CD226: variants seen among roughly 807,000 people sequenced by gnomAD.
CD226 encodes the protein CD226 molecule.
A neutral mutation model predicts 34.9 loss-of-function variants in CD226; 24 were observed. The ratio of observed to expected loss-of-function variants is 0.69; its 90% confidence interval spans 0.50 to 0.97. CD226 has a LOEUF of 0.97. Ranked by LOEUF, CD226 falls within the 50% of genes least tolerant of loss-of-function variation. The pLI is 0.00. For missense variants in CD226, 397 were observed against 412.7 expected, an observed-to-expected ratio of 0.96 and a Z score of 0.33; for synonymous variants, 148 against 147.4, an observed-to-expected ratio of 1.00 and a Z score of -0.03.
intron 2 of CD226, among the ~76,000 whole-genome samples, chr18:69,939,212 G>T (rs1393352018): frequency 1.3e-5 from 2 of 152,180 alleles, no homozygotes; most frequent in Non-Finnish European, 2.9e-5. Flanking sequence ...GACCCTTTCA[G>T]CCCTTCCTGA....
At chr18:69,913,727 G>C (rs917652624) in intron 2 of CD226, among the ~76,000 whole-genome samples, 1 of 152,190 alleles carries the variant, frequency 6.6e-6, no homozygotes, top group Non-Finnish European at 1.5e-5. Flanking sequence ...GAGCAGGCAG[G>C]AGTTCAGTGT....
At chr18:69,943,071 C>T (rs1003920128) in intron 2 of CD226, among the ~76,000 whole-genome samples, 3 of 152,210 alleles carry the variant, frequency 2.0e-5, no homozygotes, top group African/African-American at 7.2e-5. Context: ...AGCTTGATAA[C>T]CTTGGACAAG....
intron 2 of CD226, among the ~76,000 whole-genome samples, chr18:69,933,454 C>T (rs2055613360): frequency 6.6e-6 from 1 of 152,180 alleles, no homozygotes. Context: ...CCAAATTACA[C>T]CTATATTTCC....
chr18:69,916,643 G>T (rs1344139758), intron 2 of CD226, among the ~76,000 whole-genome samples: 5 of 152,124 alleles, frequency 3.3e-5, no homozygotes, highest in Admixed American at 1.3e-4. Context: ...CTAGAAATCT[G>T]AGCTTTATCT....
chr18:69,870,323 G>A (rs543786359), intron 4 of CD226, among the ~76,000 whole-genome samples: 81 of 133,062 alleles, frequency 6.1e-4, no homozygotes, highest in Non-Finnish European at 1.1e-3. Flanking sequence ...TACCCAGGCT[G>A]GAGTACAGTG....
chr18:69,879,997 T>G lies in CD226; in HGVS notation c.728-6751A>C, dbSNP rs374175152. Among the ~76,000 whole-genome samples the G allele has an allele frequency of 1.4e-3, 220 of 152,340 alleles. 1 individual carries two copies. Among genetic ancestry groups the G allele is most frequent in the African/African-American group, 5.1e-3 (214 of 41,574 alleles). Reference sequence around the variant, plus strand: ...TGTCAAAGTCATGATCATGTCACCATATCGATCTGTGAATGTCACCACTAT... The same window carrying G: ...TGTCAAAGTCATGATCATGTCACCAGATCGATCTGTGAATGTCACCACTAT... On this transcript the variant is annotated intron_variant, in intron 3 of 5. Transcript: ENST00000582621.
intron 3 of CD226, among the ~76,000 whole-genome samples, chr18:69,873,721 G>A (rs1472081332): frequency 6.6e-6 from 1 of 151,970 alleles, no homozygotes; most frequent in East Asian, 1.9e-4. Context: ...AACACAAAAA[G>A]TGATCCCAGT....
intron 2 of CD226, among the ~76,000 whole-genome samples, chr18:69,918,519 T>C (rs1415094401): frequency 2.6e-5 from 4 of 152,120 alleles, no homozygotes; most frequent in Non-Finnish European, 4.4e-5. Context: ...GATTGTGCCA[T>C]TGCACTCCAG....
intron 2 of CD226, among the ~76,000 whole-genome samples, chr18:69,928,285 C>T (rs1335991730): frequency 1.3e-5 from 2 of 152,154 alleles, no homozygotes; most frequent in African/African-American, 4.8e-5. Context: ...ATCACTCCCC[C>T]TACTTCACCC....
intron 3 of CD226, among the ~76,000 whole-genome samples, chr18:69,875,459 CCTA>C (rs1568161411): frequency 6.6e-6 from 1 of 152,186 alleles, no homozygotes; most frequent in African/African-American, 2.4e-5. Context: ...TCTTGAGGAA[CCTA>C]CTACCTGTAC....
upstream of CD226, among the ~76,000 whole-genome samples, chr18:69,957,427 G>A (rs2055907306): frequency 6.6e-6 from 1 of 151,826 alleles, no homozygotes; most frequent in Admixed American, 6.6e-5. Flanking sequence ...AACCCTGCAT[G>A]TTTAGCAGCT....
chr18:69,858,762 C>T lies in CD226; in HGVS notation c.*5552G>A, dbSNP rs1429220116. ...TTTTTTTTTTTGAGACGGAGTCTCG[C>T]TCTGTTGCCCAGGGTGGAGTGCAGT... On this transcript the variant is annotated 3_prime_UTR_variant, in exon 6 of 6. Coordinates refer to ENST00000582621, the MANE Select transcript of CD226 (RefSeq NM_001303618.2). 2 of 109,054 alleles carry T rather than the reference C, an allele frequency of 1.8e-5. No homozygotes were observed. The highest frequency in any genetic ancestry group is 6.0e-4 in the East Asian group (2 of 3,350). The allele number at this position is 109,054 out of a possible 1,614,324, so 6.8% of individuals were successfully genotyped here.
At chr18:69,927,933 T>C (rs1362751264) in intron 2 of CD226, among the ~76,000 whole-genome samples, 3 of 152,202 alleles carry the variant, frequency 2.0e-5, no homozygotes, top group Admixed American at 2.0e-4. Flanking sequence ...ACAAATAATG[T>C]GCTAATAAAT....
chr18:69,895,186 C>T (rs1023447939), intron 3 of CD226, among the ~76,000 whole-genome samples: 1 of 152,164 alleles, frequency 6.6e-6, no homozygotes, highest in African/African-American at 2.4e-5. Context: ...TCTGCATCCA[C>T]ATCTGAAAAA....
intron 3 of CD226, among the ~76,000 whole-genome samples, chr18:69,892,011 C>T (rs939760177): frequency 2.6e-5 from 4 of 152,278 alleles, no homozygotes; most frequent in Non-Finnish European, 5.9e-5. Context: ...CACCATCTCC[C>T]CATTCCTCCT....
At chr18:69,911,051 C>T (rs899098300) in intron 2 of CD226, among the ~76,000 whole-genome samples, 3 of 152,176 alleles carry the variant, frequency 2.0e-5, no homozygotes, top group South Asian at 2.1e-4. Flanking sequence ...TGGGTGTTGG[C>T]GAAGTGAGTT....
In CD226 at chr18:69,861,554, G is replaced by GTATATATATATATATATATATGTA; in HGVS notation, c.*2759_*2760insTACATATATATATATATATATATA. The stretch of plus-strand genomic sequence containing the variant: ...ATAAATTATATGTGTATATATATAT[G>GTATATATATATATATATATATGTA]TATATATATATATATATATGTAAAA... On this transcript the variant is annotated 3_prime_UTR_variant, in exon 6 of 6. Transcript: ENST00000582621. The GTATATATATATATATATATATGTA allele has an allele frequency of 7.8e-6, 1 of 127,950 alleles. No homozygotes were observed. The highest frequency in any genetic ancestry group is 2.7e-5 in the African/African-American group (1 of 36,368). 7.9% of individuals were successfully genotyped at this position (127,950 alleles called of 1,614,324 possible).
At chr18:69,949,943 C>T (rs1470960539), upstream of CD226, among the ~76,000 whole-genome samples, 2 of 152,140 alleles carry the variant, frequency 1.3e-5, no homozygotes, top group Non-Finnish European at 2.9e-5. Context: ...TCCACACACA[C>T]GCATGCACTT....
intron 5 of CD226, among the ~76,000 whole-genome samples, chr18:69,867,022 A>G (rs190682988): frequency 1.1e-4 from 16 of 152,250 alleles, no homozygotes; most frequent in African/African-American, 3.6e-4. Context: ...GGAAGAATAG[A>G]TTTCTGTTGT....
Sources: allele counts gnomAD v4.1 joint callset (sites outside exome capture counted in the v4.1 genomes callset), GRCh38; gene constraint gnomAD v4.1.1; transcripts MANE v1.5; gene names NCBI Gene and HGNC (gene_info 2026-07-23, HGNC 2026-07-21).